The following DGKB variants were observed in gnomAD, a reference collection of about 807,000 sequenced individuals.
DGKB encodes 90 kDa diacylglycerol kinase.
In DGKB, 67 loss-of-function variants were observed where a neutral mutation model predicts 114.3. The ratio of observed to expected loss-of-function variants is 0.59; its 90% CI spans 0.48 to 0.72. DGKB has a LOEUF of 0.72. Among genes scored for constraint, DGKB ranks in the 30% least tolerant of loss-of-function variants. The pLI is 0.00. For missense variants in DGKB, 907 were observed against 975.2 expected (o/e 0.93, Z 0.93); for synonymous variants, 398 against 323.1 (o/e 1.23, Z -2.49).
intron 23 of DGKB, among the ~76,000 whole-genome samples, chr7:14,251,766 T>C (rs1473853605): frequency 6.6e-6 from 1 of 152,180 alleles, no homozygotes; most frequent in Admixed American, 6.5e-5. Context: ...TTAGGTATTA[T>C]ACTTCTAGTT....
At chr7:14,743,454 C>A (rs533138820) in intron 4 of DGKB, among the ~76,000 whole-genome samples, 3 of 152,048 alleles carry the variant, frequency 2.0e-5, no homozygotes, top group Non-Finnish European at 2.9e-5. Context: ...GTGTTTTAAA[C>A]CTCTAACATT....
At chr7:14,951,303 T>TAATGGGTG (rs1786188942) in intron 1 of DGKB, among the ~76,000 whole-genome samples, 1 of 151,964 alleles carries the variant, frequency 6.6e-6, no homozygotes, top group Admixed American at 6.6e-5. Flanking sequence ...AGATATCCTT[T>TAATGGGTG]AACGGGTGAA....
intron 13 of DGKB, 149 bp from the exon 14 acceptor site, chr7:14,630,417 T>G: frequency 1.9e-6 from 1 of 525,386 alleles, no homozygotes; most frequent in Non-Finnish European, 3.4e-6. Flanking sequence ...CTTCCTTGAA[T>G]TAAATAATTA....
At chr7:14,175,486 G>C (rs114875157) in intron 25 of DGKB, among the ~76,000 whole-genome samples, 1 of 152,100 alleles carries the variant, frequency 6.6e-6, no homozygotes, top group African/African-American at 2.4e-5. Context: ...TCTACCTCTG[G>C]AATATAGCTT....
intron 2 of DGKB, among the ~76,000 whole-genome samples, chr7:14,800,506 T>C (rs1406819727): frequency 6.6e-6 from 1 of 152,236 alleles, no homozygotes; most frequent in Non-Finnish European, 1.5e-5. Flanking sequence ...GGATGCTTTC[T>C]GCCCTCAGAC....
At chr7:14,450,763 T>G (rs1298214954) in intron 21 of DGKB, among the ~76,000 whole-genome samples, 1 of 152,150 alleles carries the variant, frequency 6.6e-6, no homozygotes, top group Admixed American at 6.6e-5. Flanking sequence ...TCCTATCAAG[T>G]GGATCTGAGG....
chr7:14,370,636 T>A (rs1817478763), intron 21 of DGKB, among the ~76,000 whole-genome samples: 1 of 152,200 alleles, frequency 6.6e-6, no homozygotes, highest in African/African-American at 2.4e-5. Flanking sequence ...GAAGAGGTCC[T>A]TCACTTCCCT....
At chr7:14,169,682 CTG>C (rs1407776674) in intron 25 of DGKB, among the ~76,000 whole-genome samples, 1 of 152,098 alleles carries the variant, frequency 6.6e-6, no homozygotes, top group Non-Finnish European at 1.5e-5. Flanking sequence ...ATCATCATAG[CTG>C]TGTTGGTCAG....
chr7:14,265,629 AT>A (rs1479477889), intron 23 of DGKB, among the ~76,000 whole-genome samples: 2 of 151,666 alleles, frequency 1.3e-5, no homozygotes, highest in East Asian at 1.9e-4. Context: ...TAATAATTAC[AT>A]TTTTTTAAGC....
chr7:14,319,390 A>T (rs1356919031), intron 23 of DGKB, among the ~76,000 whole-genome samples: 1 of 152,186 alleles, frequency 6.6e-6, no homozygotes, highest in Non-Finnish European at 1.5e-5. Flanking sequence ...AAAGCAATAC[A>T]GTGCCACTCT....
intron 21 of DGKB, among the ~76,000 whole-genome samples, chr7:14,386,297 G>A (rs1484302378): frequency 6.6e-6 from 1 of 152,098 alleles, no homozygotes; most frequent in Non-Finnish European, 1.5e-5. Flanking sequence ...TTTCAGATAT[G>A]ATTTTTTAAA....
At chr7:14,182,456 C>T (rs974699693) in intron 23 of DGKB, among the ~76,000 whole-genome samples, 13 of 151,892 alleles carry the variant, frequency 8.6e-5, no homozygotes, top group African/African-American at 2.9e-4. Flanking sequence ...TTTTAGCCTA[C>T]GTATTTTATC....
At position 14,679,683 on chromosome 7, in the gene DGKB, A is replaced by G. The variant is rs11773500; in HGVS notation, c.1035+2870T>C. ...CTTCTGCTAGCTCTTTGTTATGTCC[A>G]TAGTACTTTCTGGAAAGTGTAAGAG... is the stretch of plus-strand genomic sequence containing the variant. On this transcript the variant is annotated intron_variant, in intron 12 of 25. Coordinates refer to ENST00000402815, the MANE Select transcript of DGKB (RefSeq NM_001350709.2). Among the ~76,000 whole-genome samples, 670 of 152,158 alleles carry G rather than the reference A, an allele frequency of 4.4e-3. 5 individuals carry two copies. The highest frequency in any genetic ancestry group is 6.0e-3 in the Non-Finnish European group (408 of 67,950).
At chr7:14,815,573 C>G (rs150971725) in intron 2 of DGKB, among the ~76,000 whole-genome samples, 73 of 152,246 alleles carry the variant, frequency 4.8e-4, no homozygotes, top group African/African-American at 1.7e-3. Flanking sequence ...GGCACATTAC[C>G]TAAGTCTAAC....
At chr7:14,588,388 G>C (rs886492218) in intron 17 of DGKB, among the ~76,000 whole-genome samples, 1 of 151,876 alleles carries the variant, frequency 6.6e-6, no homozygotes, top group Non-Finnish European at 1.5e-5. Flanking sequence ...TTGATAAGTA[G>C]TCAGTACCTT....
intron 2 of DGKB, among the ~76,000 whole-genome samples, chr7:14,801,626 C>T (rs186631577): frequency 6.6e-6 from 1 of 152,002 alleles, no homozygotes; most frequent in East Asian, 1.9e-4. Context: ...GACATCTTCT[C>T]TCATTTTCTC....
chr7:14,504,904 G>A (rs1385949932), intron 20 of DGKB, among the ~76,000 whole-genome samples: 1 of 152,016 alleles, frequency 6.6e-6, no homozygotes, highest in Non-Finnish European at 1.5e-5. Context: ...ATAGTCACTG[G>A]TAATTTTGTT....
At chr7:14,472,337 T>A (rs542036539) in intron 21 of DGKB, among the ~76,000 whole-genome samples, 5 of 151,212 alleles carry the variant, frequency 3.3e-5, no homozygotes, top group African/African-American at 1.2e-4. Context: ...TAAGGAGGAG[T>A]TTCCCTGCAC....
In DGKB at chr7:14,385,937, C is replaced by T. The variant is rs575685904; in HGVS notation, c.1836-40546G>A. Among the ~76,000 whole-genome samples the T allele has an allele frequency of 2.0e-5, 3 of 152,312 alleles. No homozygotes were observed. The East Asian group carries it at 5.8e-4, about 29-fold the overall frequency. ...GTCACAAGTACTGCCAATATTACTA[C>T]AGCTTGTTGTCTTCATTCAAACGGA... On this transcript the variant is annotated intron_variant, in intron 21 of 25. Transcript: ENST00000402815.
Sources: allele counts gnomAD v4.1 joint callset (sites outside exome capture counted in the v4.1 genomes callset), GRCh38; gene constraint gnomAD v4.1.1; transcripts MANE v1.5; gene names NCBI Gene and HGNC (gene_info 2026-07-23, HGNC 2026-07-21).